Variants in USP24 observed in about 807,000 individuals in gnomAD.
USP24 encodes the protein ubiquitin carboxyl-terminal hydrolase 24.
USP24 carries 97 observed loss-of-function variants against 361.6 expected under a neutral mutation model. The observed-to-expected ratio is 0.27, with a 90% CI of 0.23 to 0.32. The LOEUF (loss-of-function observed/expected upper bound fraction) is 0.32. Ranked by LOEUF, USP24 falls within the 10% of genes least tolerant of loss-of-function variation. The probability of loss-of-function intolerance (pLI) is 1.00; values close to 1 mark genes in which losing one functional copy is unlikely to be tolerated. For synonymous variants in USP24, 1,098 were observed against 1,124.6 expected (o/e 0.98, Z 0.47); for missense variants, 2,353 against 3,165.6 (o/e 0.74, Z 6.16).
intron 1 of USP24, among the ~76,000 whole-genome samples, chr1:55,199,283 T>A (rs1374483919): frequency 1.1e-4 from 17 of 151,940 alleles, no homozygotes; most frequent in Admixed American, 1.1e-3. Context: ...AGCGAGACTC[T>A]GTTTCCAAAA....
At chr1:55,165,356 T>C (rs551432223) in intron 7 of USP24, among the ~76,000 whole-genome samples, 59 of 152,244 alleles carry the variant, frequency 3.9e-4, no homozygotes, top group Non-Finnish European at 8.2e-4. Flanking sequence ...AGATTAGTTA[T>C]TCCCCTAACT....
chr1:55,076,305 C>T (rs752478462), intron 62 of USP24, among the ~76,000 whole-genome samples: 2 of 152,220 alleles, frequency 1.3e-5, no homozygotes, highest in Admixed American at 6.5e-5. Flanking sequence ...GAACAATACA[C>T]AGTCCTATCC....
chr1:55,130,905 T>G (rs1238986610), intron 31 of USP24, among the ~76,000 whole-genome samples: 1 of 152,190 alleles, frequency 6.6e-6, no homozygotes, highest in Non-Finnish European at 1.5e-5. Flanking sequence ...AACTATTTTG[T>G]GTACCTAAAG....
Position 55,083,317 on chromosome 1 carries a change from C to T in USP24, c.6930G>A (p.Arg2310=). Residue 2310 remains arginine, a synonymous_variant, in exon 58 of 68, where the codon CGG becomes CGA. Coordinates refer to ENST00000294383, the MANE Select transcript of USP24 (RefSeq NM_015306.3). ...CCCCTAGGAGGAAGCTGATCATGTG[C>T]CGCAGAGCTGAATGCCTCAGAAGAA... The part of the protein sequence containing the change: ...GDLLLRHSAL[R]HMISFLLGAS... The T allele has an allele frequency of 6.2e-7, 1 of 1,613,746 alleles. No homozygotes were observed. Among genetic ancestry groups the T allele is most frequent in the East Asian group, 2.2e-5 (1 of 44,872 alleles).
At chr1:55,083,246 A>T in intron 58 of USP24, 26 bp downstream of exon 58, 2 of 1,606,612 alleles carry the variant, frequency 1.2e-6, no homozygotes, top group Non-Finnish European at 1.7e-6. Context: ...TAGCTATTCC[A>T]CTAGGGATAT....
intron 16 of USP24, among the ~76,000 whole-genome samples, chr1:55,150,872 C>T (rs1647174620): frequency 6.6e-6 from 1 of 152,158 alleles, no homozygotes; most frequent in South Asian, 2.1e-4. Context: ...GATAATGTCA[C>T]AGAGTGGAGA....
chr1:55,173,907 G>T (rs1452547087), intron 3 of USP24, among the ~76,000 whole-genome samples: 2 of 152,176 alleles, frequency 1.3e-5, no homozygotes, highest in African/African-American at 4.8e-5. Flanking sequence ...AATGTATGTG[G>T]ATTAAGCAGC....
At chr1:55,077,193 T>C (rs556085658) in intron 62 of USP24, 42 bp downstream of exon 62, 9 of 1,426,000 alleles carry the variant, frequency 6.3e-6, no homozygotes, top group South Asian at 4.6e-5. Context: ...TGTTGACTAA[T>C]ACATTCCTAA....
Position 55,200,446 on chromosome 1 carries a change from C to A in USP24, c.324+14344G>T, listed in dbSNP as rs114185350. ...CAGTTCTCAGAAGCCAGAAGAGAGCCAAAGACATTCAATAGATTGCTTAGT... is the reference window on the plus strand; with the variant it reads ...CAGTTCTCAGAAGCCAGAAGAGAGCAAAAGACATTCAATAGATTGCTTAGT... On this transcript the variant is annotated intron_variant, in intron 1 of 67. Transcript: ENST00000294383. 3.8e-4 allele frequency among the ~76,000 whole-genome samples: 58 copies of A among 152,248 alleles called. 1 individual carries two copies. The highest frequency in any genetic ancestry group is 1.3e-3 in the African/African-American group (55 of 41,536).
chr1:55,151,773 T>C (rs1463444890), intron 16 of USP24: 7 of 548,580 alleles, frequency 1.3e-5, no homozygotes, highest in Non-Finnish European at 1.6e-5. Context: ...AGTTAGGAAA[T>C]CAAGGCCAGA....
At chr1:55,189,804 G>C (rs531045387) in intron 1 of USP24, among the ~76,000 whole-genome samples, 1 of 151,760 alleles carries the variant, frequency 6.6e-6, no homozygotes, top group African/African-American at 2.4e-5. Context: ...GCAAAACACA[G>C]AGTTGTACCT....
chr1:55,169,339 G>T (rs1649215342), intron 5 of USP24, among the ~76,000 whole-genome samples: 1 of 152,070 alleles, frequency 6.6e-6, no homozygotes, highest in South Asian at 2.1e-4. Flanking sequence ...AGGACAGAAT[G>T]AGTCAGTCTA....
intron 15 of USP24, 57 bp from the exon 16 acceptor site, chr1:55,153,974 T>A (rs1647360087): frequency 6.5e-7 from 1 of 1,542,312 alleles, no homozygotes; most frequent in Non-Finnish European, 8.8e-7. Context: ...TACCTATAAT[T>A]TCCCGATCTT....
intron 23 of USP24, among the ~76,000 whole-genome samples, 186 bp from the exon 24 acceptor site, chr1:55,141,917 T>A (rs1216175340): frequency 6.6e-6 from 1 of 152,118 alleles, no homozygotes; most frequent in Admixed American, 6.6e-5. Flanking sequence ...CAACCAAAAA[T>A]GCCTCCAGAT....
At chr1:55,135,820 C>T (rs1646718574) in intron 28 of USP24, among the ~76,000 whole-genome samples, 1 of 152,110 alleles carries the variant, frequency 6.6e-6, no homozygotes, top group Non-Finnish European at 1.5e-5. Flanking sequence ...TTTACATTAG[C>T]TTGCTTTCTA....
chr1:55,172,414 T>C lies in USP24; in HGVS notation c.665A>G (p.Asp222Gly), dbSNP rs758679559. The C allele has an allele frequency of 1.2e-6, 2 of 1,613,352 alleles. No homozygotes were observed. The highest frequency in any genetic ancestry group is 2.2e-5 in the South Asian group (2 of 91,008). The change falls in exon 4 of 68, where the codon GAT (aspartate) becomes GGT (glycine). Residue 222 changes from aspartate to glycine, a missense_variant. This residue lies in a region of USP24 where 386 missense variants were observed against 560.5 expected (regional missense o/e 0.69). Coordinates refer to ENST00000294383, the MANE Select transcript of USP24 (RefSeq NM_015306.3). ...IELVAERIKQ[D>G]PIPTGLLGVL... ...ACCCAGGAGACCAGTGGGAATTGGA[T>C]CTTGTTTTATTCTCTCTGCGACCAG...
chr1:55,187,867 ATTGAACACAATCCGCATCAAAAT>A (rs1231169650), intron 1 of USP24, among the ~76,000 whole-genome samples: 2 of 152,224 alleles, frequency 1.3e-5, no homozygotes, highest in Non-Finnish European at 2.9e-5. Flanking sequence ...TGGTCTACAA[ATTGAACACAATCCGCATCAAAAT>A]TCCAGCTAGT....
chr1:55,097,303 G>T, intron 48 of USP24, 131 bp from the exon 49 acceptor site: 1 of 1,131,692 alleles, frequency 8.8e-7, no homozygotes, highest in Non-Finnish European at 1.2e-6. Context: ...ACCAGTTCAA[G>T]TATAAAATCT....
chr1:55,140,762 A>T (rs143876209), intron 24 of USP24, among the ~76,000 whole-genome samples: 2 of 152,316 alleles, frequency 1.3e-5, no homozygotes, highest in African/African-American at 4.8e-5. Flanking sequence ...TCCTTCTCAG[A>T]GCACTCGCCA....
Sources: gnomAD v4.1 joint callset for allele counts (sites outside exome capture counted in the v4.1 genomes callset) on GRCh38, gnomAD v4.1.1 for gene constraint, gnomAD v4.1.1 regional missense constraint, MANE v1.5 for transcripts, NCBI Gene and HGNC (gene_info 2026-07-23, HGNC 2026-07-21) for gene names.